The following FLACC1 variants were observed in gnomAD, a reference collection of about 807,000 sequenced individuals.
FLACC1 encodes flagellum-associated coiled-coil domain-containing protein 1.
Under a neutral mutation model 62.8 loss-of-function variants are expected in FLACC1, and 66 were observed. The ratio of observed to expected loss-of-function variants is 1.05; its 90% CI spans 0.86 to 1.29. The LOEUF (loss-of-function observed/expected upper bound fraction) is 1.29, where lower values mean the gene tolerates loss of function less well. Among genes scored for constraint, FLACC1 ranks in the 50% most tolerant of loss-of-function variants. The pLI is 0.00. For synonymous variants in FLACC1, 156 were observed against 161.0 expected (o/e 0.97, Z 0.24); for missense variants, 452 against 489.1 (o/e 0.92, Z 0.71).
chr2:201,303,710 A>C (rs1950039882), intron 11 of FLACC1, among the ~76,000 whole-genome samples: 1 of 152,218 alleles, frequency 6.6e-6, no homozygotes, highest in African/African-American at 2.4e-5. Context: ...ATCCAGGATC[A>C]CATCAAAGAG....
intron 3 of FLACC1, 131 bp from the exon 4 acceptor site, chr2:201,348,433 AT>A: frequency 5.7e-6 from 5 of 871,468 alleles, no homozygotes; most frequent in Non-Finnish European, 6.9e-6. Context: ...GATCCCTAGG[AT>A]AGTTGGGGAA....
At chr2:201,321,689 A>T (rs1465935426) in intron 9 of FLACC1, among the ~76,000 whole-genome samples, 2 of 152,226 alleles carry the variant, frequency 1.3e-5, no homozygotes, top group African/African-American at 4.8e-5. Context: ...CCTGCAGATG[A>T]AAAGAGGTGG....
chr2:201,305,056 T>G (rs935276160), intron 11 of FLACC1, among the ~76,000 whole-genome samples: 1 of 152,136 alleles, frequency 6.6e-6, no homozygotes, highest in South Asian at 2.1e-4. Context: ...CCAAAAGCAA[T>G]GGCAACAAAA....
chr2:201,339,973 T>G (rs1035148877), intron 7 of FLACC1, among the ~76,000 whole-genome samples: 1 of 152,104 alleles, frequency 6.6e-6, no homozygotes, highest in Non-Finnish European at 1.5e-5. Context: ...AGCACCCAAG[T>G]GGTACTCACT....
In FLACC1 at chr2:201,346,565, G is replaced by C. The variant is rs764227368; in HGVS notation, c.345C>G (p.Ile115Met). Reference sequence around the variant, plus strand: ...ACCTGGAAAATCTGCCTTTGTCCGGGATCTCCGATTCCCACCGCTTTTTCC... The same window carrying C: ...ACCTGGAAAATCTGCCTTTGTCCGGCATCTCCGATTCCCACCGCTTTTTCC... ...FDRKKRWESE[I>M]PDKGRFSRTN... Residue 115 changes from isoleucine to methionine, a missense_variant, in exon 5 of 15, where the codon ATC becomes ATG. This residue lies in a region of FLACC1 where 147 missense variants were observed against 152.7 expected (regional missense o/e 0.96). Coordinates refer to ENST00000392257, the MANE Select transcript of FLACC1 (RefSeq NM_001127391.3). This position sits in a 1 kb window ranked among gnomAD's most constrained non-coding sequence, Gnocchi z 4.0. 10 of 1,614,050 alleles carry C rather than the reference G, an allele frequency of 6.2e-6. No individual in the cohort carries two copies. In the East Asian group the frequency reaches 2.2e-4, roughly 36 times the overall value.
chr2:201,301,924 T>C (rs889326974), intron 11 of FLACC1, among the ~76,000 whole-genome samples: 43 of 152,148 alleles, frequency 2.8e-4, no homozygotes, highest in African/African-American at 9.6e-4. Flanking sequence ...TTTCAAGAGC[T>C]CCTGAAGGAA....
rs138395711 is a variant in FLACC1, at chr2:201,350,844, A to G, written c.114-62T>C. On this transcript the variant is annotated intron_variant, in intron 2 of 14. Coordinates refer to ENST00000392257, the MANE Select transcript of FLACC1 (RefSeq NM_001127391.3). ...TGGAAATTCGGAAACCCTTTTTAAC[A>G]CTCCCAGATTAAGTACATCCCTATA... is the stretch of plus-strand genomic sequence containing the variant. 2.8e-6 allele frequency: 4 copies of G among 1,431,848 alleles called. No homozygotes were observed. The South Asian group carries it at 3.5e-5, about 13-fold the overall frequency. 88.7% of individuals were successfully genotyped at this position (1,431,848 alleles called of 1,614,324 possible). A position where few individuals can be genotyped will look rare whatever the true frequency, so the allele number is the denominator to read the frequency against.
chr2:201,359,410 T>A (rs780777830), upstream of FLACC1, among the ~76,000 whole-genome samples: 1 of 152,148 alleles, frequency 6.6e-6, no homozygotes, highest in Non-Finnish European at 1.5e-5. Flanking sequence ...TCAGAGTGGA[T>A]ACTATTCCAA....
chr2:201,291,068 GGCCTGCCT>G (rs1949723611), intron 12 of FLACC1, among the ~76,000 whole-genome samples: 1 of 152,204 alleles, frequency 6.6e-6, no homozygotes, highest in African/African-American at 2.4e-5. Flanking sequence ...AGCTCAAGGA[GGCCTGCCT>G]GCCTCTGTAG....
At chr2:201,304,667 A>G (rs1950063076) in intron 11 of FLACC1, among the ~76,000 whole-genome samples, 1 of 152,166 alleles carries the variant, frequency 6.6e-6, no homozygotes, top group African/African-American at 2.4e-5. Context: ...GCATCACACT[A>G]CCTGACTTCA....
intron 9 of FLACC1, among the ~76,000 whole-genome samples, chr2:201,311,730 A>G (rs1950221602): frequency 6.6e-6 from 1 of 151,022 alleles, no homozygotes; most frequent in East Asian, 1.9e-4. Context: ...TTAATTCACC[A>G]TGATCAAGTA....
At position 201,327,105 on chromosome 2, in the gene FLACC1, G is replaced by C. The variant is rs112989630; in HGVS notation, c.675+3365C>G. On this transcript the variant is annotated intron_variant, in intron 9 of 14. Transcript: ENST00000392257. ...CTTTATTTAATAAGTGGTGCTGGGAGAATGGGCAAGCCACATGTAGAAAAA... is the reference window on the plus strand; with the variant it reads ...CTTTATTTAATAAGTGGTGCTGGGACAATGGGCAAGCCACATGTAGAAAAA... Among the ~76,000 whole-genome samples, 1,051 of 152,212 alleles carry C rather than the reference G, an allele frequency of 6.9e-3. 8 individuals are homozygous for C. Among genetic ancestry groups the C allele is most frequent in the African/African-American group, 0.025 (1,021 of 41,558 alleles).
At chr2:201,289,588 A>G in intron 13 of FLACC1, 22 bp from the exon 14 acceptor site, 1 of 1,613,596 alleles carries the variant, frequency 6.2e-7, no homozygotes, top group Non-Finnish European at 8.5e-7. Flanking sequence ...ACATTTTAAT[A>G]GCCATCTTCC....
At position 201,311,302 on chromosome 2, in the gene FLACC1, G is replaced by A. The variant is rs1034319498; in HGVS notation, c.676-2052C>T. Among the ~76,000 whole-genome samples, 12 of 151,932 alleles carry A rather than the reference G, an allele frequency of 7.9e-5. No homozygotes were observed. The South Asian group carries it at 8.3e-4, about 11-fold the overall frequency. On this transcript the variant is annotated intron_variant, in intron 9 of 14. Transcript: ENST00000392257. The stretch of plus-strand genomic sequence containing the variant: ...CCTCCCTAACTTATTCTATGAAGCT[G>A]GCATTATCCTTATACCAAAACCTGG...
intron 3 of FLACC1, 34 bp downstream of exon 3, chr2:201,350,677 T>G: frequency 2.1e-6 from 1 of 484,052 alleles, no homozygotes; most frequent in Non-Finnish European, 3.3e-6. Context: ...TGAGACTCCA[T>G]CTCAAAAACA....
chr2:201,329,667 A>T (rs1167924937), intron 9 of FLACC1, among the ~76,000 whole-genome samples: 1 of 152,240 alleles, frequency 6.6e-6, no homozygotes, highest in Non-Finnish European at 1.5e-5. Flanking sequence ...AGAGGCTATT[A>T]TCCTAAAGCC....
upstream of FLACC1, among the ~76,000 whole-genome samples, chr2:201,360,859 A>C (rs1267968418): frequency 6.6e-6 from 1 of 152,154 alleles, no homozygotes; most frequent in Non-Finnish European, 1.5e-5. Context: ...GGGTGGATCA[A>C]CTGAGGTCAG....
chr2:201,346,850 T>C lies in FLACC1; in HGVS notation c.235-175A>G, dbSNP rs765574043. 6.6e-6 allele frequency among the ~76,000 whole-genome samples: 1 copy of C among 152,192 alleles called. No homozygotes were observed. The highest frequency in any genetic ancestry group is 1.5e-5 in the Non-Finnish European group (1 of 68,028). On this transcript the variant is annotated intron_variant, in intron 4 of 14. Coordinates refer to ENST00000392257, the MANE Select transcript of FLACC1 (RefSeq NM_001127391.3). This position sits in a 1 kb window ranked among gnomAD's most constrained non-coding sequence, Gnocchi z 4.0. ...CATTCTCACATCTCTCCGACTCAAA[T>C]CTGATGCTTAGCAGGCTCCTGGGTG...
chr2:201,349,071 T>C (rs1485183072), intron 3 of FLACC1, among the ~76,000 whole-genome samples: 1 of 152,212 alleles, frequency 6.6e-6, no homozygotes, highest in African/African-American at 2.4e-5. Context: ...TTAATTCCTC[T>C]TTGGCAAGTA....
Sources: gnomAD v4.1 joint callset for allele counts (sites outside exome capture counted in the v4.1 genomes callset) on GRCh38, gnomAD v4.1.1 for gene constraint, gnomAD v4.1.1 regional missense constraint, Gnocchi (gnomAD v3.1) non-coding constraint, MANE v1.5 for transcripts, NCBI Gene and HGNC (gene_info 2026-07-23, HGNC 2026-07-21) for gene names.